FAM222B: variants seen among roughly 807,000 people sequenced by gnomAD.
FAM222B encodes family with sequence similarity 222 member B.
In FAM222B, 12 loss-of-function variants were observed where a neutral mutation model predicts 38.0. The ratio of observed to expected loss-of-function variants is 0.32; its 90% CI spans 0.20 to 0.51. FAM222B has a LOEUF of 0.51. Among genes scored for constraint, FAM222B ranks in the 20% least tolerant of loss-of-function variants. FAM222B has a pLI of 0.97. For synonymous variants in FAM222B, 329 were observed against 317.2 expected, an observed-to-expected ratio of 1.04 and a Z score of -0.40; for missense variants, 716 against 754.2, an observed-to-expected ratio of 0.95 and a Z score of 0.59.
chr17:28,797,897 CA>C (rs34116817), intron 1 of FAM222B, among the ~76,000 whole-genome samples: 2 of 148,266 alleles, frequency 1.3e-5, no homozygotes. Context: ...CCCATCTCTA[CA>C]AAAAAAAAAT....
chr17:28,801,579 C>T (rs1282207108), intron 1 of FAM222B, among the ~76,000 whole-genome samples: 1 of 152,042 alleles, frequency 6.6e-6, no homozygotes, highest in Non-Finnish European at 1.5e-5. Context: ...CATGGTGGCT[C>T]ACGCCTGTAA....
At chr17:28,828,095 A>ATTTTTTTT (rs528492764) in intron 1 of FAM222B, among the ~76,000 whole-genome samples, 3 of 74,692 alleles carry the variant, frequency 4.0e-5, no homozygotes, top group Admixed American at 1.7e-4. Context: ...ATCAAATCCA[A>ATTTTTTTT]TTTTTTTTTT....
rs1177642791 is a variant in FAM222B at position 28,758,767 on chromosome 17, A to G, written c.1192T>C (p.Leu398=). Residue 398 remains leucine (L), a synonymous_variant, in exon 3 of 3, where the codon TTG becomes CTG. Transcript: ENST00000581407. ...LTGKHAAGRE[L]AGPGFVGKAP... is the part of the protein sequence containing the mutation. ...TTGCCCACAAAGCCAGGCCCTGCCA[A>G]CTCGCGTCCTGCCGCATGCTTGCCT... is the stretch of plus-strand genomic sequence containing the variant. The G allele has an allele frequency of 6.4e-7, 1 of 1,572,304 alleles. No homozygotes were observed. Among genetic ancestry groups the G allele is most frequent in the South Asian group, 1.1e-5 (1 of 86,996 alleles).
chr17:28,778,632 T>TA lies in FAM222B; in HGVS notation c.-40-11926dup, dbSNP rs1247184776. On this transcript the variant is annotated intron_variant, in intron 1 of 2. Transcript: ENST00000581407. The stretch of plus-strand genomic sequence containing the variant: ...AATCCTTGCACCTCAGCTTCCTGAG[T>TA]AGCTGGGACTACAGGCGCATGTCAT... Among the ~76,000 whole-genome samples, 75 of 141,956 alleles carry TA rather than the reference T, an allele frequency of 5.3e-4. 2 individuals carry two copies. The highest frequency in any genetic ancestry group is 1.7e-3 in the African/African-American group (66 of 38,416). 93.1% of individuals were successfully genotyped at this position (141,956 alleles called of 152,430 possible).
upstream of FAM222B, among the ~76,000 whole-genome samples, chr17:28,846,076 G>A (rs558896388): frequency 6.6e-6 from 1 of 151,794 alleles, no homozygotes; most frequent in East Asian, 1.9e-4. Flanking sequence ...GGTGGCGGGC[G>A]CCTGTAGTCC....
intron 1 of FAM222B, among the ~76,000 whole-genome samples, chr17:28,801,264 T>C (rs1339511165): frequency 2.0e-5 from 3 of 148,426 alleles, no homozygotes; most frequent in Non-Finnish European, 4.5e-5. Context: ...CCATCCTGGC[T>C]AACACAGTGA....
In FAM222B at chr17:28,803,990, A is replaced by AT. The variant is rs1055637453; in HGVS notation, c.-40-37284_-40-37283insA. 5.9e-5 allele frequency among the ~76,000 whole-genome samples: 9 copies of AT among 152,098 alleles called. No homozygotes were observed. In the South Asian group the frequency reaches 1.0e-3, roughly 18 times the overall value. On this transcript the variant is annotated intron_variant, in intron 1 of 2. Coordinates refer to ENST00000581407, the MANE Select transcript of FAM222B (RefSeq NM_001077498.3). ...AGCAAGACCACGTCTCAAAAAAAAA[A>AT]CCAAAAAGCAAAAAACAAACAAAAA...
intron 1 of FAM222B, among the ~76,000 whole-genome samples, chr17:28,799,635 G>A (rs2037124900): frequency 6.6e-6 from 1 of 151,956 alleles, no homozygotes; most frequent in Admixed American, 6.6e-5. Context: ...AAGAGACAGG[G>A]CTCACTCTGT....
At chr17:28,841,920 A>G (rs2039050862) in intron 1 of FAM222B, among the ~76,000 whole-genome samples, 1 of 152,188 alleles carries the variant, frequency 6.6e-6, no homozygotes, top group Non-Finnish European at 1.5e-5. Context: ...ATATGTGTCT[A>G]CTGAGGTTTT....
At chr17:28,841,857 A>AT (rs1277483450) in intron 1 of FAM222B, among the ~76,000 whole-genome samples, 2 of 152,212 alleles carry the variant, frequency 1.3e-5, no homozygotes, top group African/African-American at 4.8e-5. Context: ...AATTTATCAC[A>AT]TTACAGAACT....
In FAM222B at chr17:28,759,954, T is replaced by A; in HGVS notation, c.83-78A>T. The A allele has an allele frequency of 7.4e-7, 1 of 1,357,852 alleles. No individual in the cohort carries two copies. The highest frequency in any genetic ancestry group is 9.8e-7 in the Non-Finnish European group (1 of 1,018,748). 84.1% of individuals were successfully genotyped at this position (1,357,852 alleles called of 1,614,324 possible). A position where few individuals can be genotyped will look rare whatever the true frequency, so the allele number is the denominator to read the frequency against. ...GCCAAGGCAAACAGCCCTTCCAGAT[T>A]CCCCTTTTGAGGGCCTGGGGTGGGG... On this transcript the variant is annotated intron_variant, in intron 2 of 2. Coordinates refer to ENST00000581407, the MANE Select transcript of FAM222B (RefSeq NM_001077498.3). The surrounding 1 kb of genome is among the most constrained non-coding windows in gnomAD (Gnocchi z 4.8).
chr17:28,766,052 G>GAT (rs10626388), intron 2 of FAM222B, among the ~76,000 whole-genome samples: 28,636 of 150,592 alleles, frequency 0.19, 2,760 homozygotes, highest in South Asian at 0.29. Flanking sequence ...TTTTAAGGGT[G>GAT]ATATATATAT....
At chr17:28,839,146 G>A (rs1418247188) in intron 1 of FAM222B, among the ~76,000 whole-genome samples, 1 of 151,882 alleles carries the variant, frequency 6.6e-6, no homozygotes, top group African/African-American at 2.4e-5. Context: ...GGCGGAGCTT[G>A]CAGTGAGCCG....
At chr17:28,839,998 T>C (rs1258324226) in intron 1 of FAM222B, among the ~76,000 whole-genome samples, 1 of 151,926 alleles carries the variant, frequency 6.6e-6, no homozygotes, top group Admixed American at 6.6e-5. Flanking sequence ...CAAAACGCCT[T>C]GACAGTTTAA....
chr17:28,824,275 C>A (rs898932392), intron 1 of FAM222B, among the ~76,000 whole-genome samples: 1 of 151,930 alleles, frequency 6.6e-6, no homozygotes, highest in Non-Finnish European at 1.5e-5. Flanking sequence ...ACCTCCACCC[C>A]CTGGGCTCAA....
At chr17:28,782,991 A>G (rs1241655134) in intron 1 of FAM222B, among the ~76,000 whole-genome samples, 1 of 151,462 alleles carries the variant, frequency 6.6e-6, no homozygotes, top group Non-Finnish European at 1.5e-5. Context: ...ACAAAAAATT[A>G]GCCGGGTGAG....
intron 1 of FAM222B, among the ~76,000 whole-genome samples, chr17:28,783,422 A>G (rs2036246498): frequency 6.6e-6 from 1 of 152,296 alleles, no homozygotes; most frequent in East Asian, 1.9e-4. Context: ...CACACTGACT[A>G]AATTTGAATC....
At chr17:28,790,266 A>G (rs2036602832) in intron 1 of FAM222B, 1 of 152,206 alleles carries the variant, frequency 6.6e-6, no homozygotes, top group African/African-American at 2.4e-5. Flanking sequence ...TCTCCTAAAA[A>G]TACTAATTAC....
At chr17:28,819,404 TTA>T (rs1445500038) in intron 1 of FAM222B, among the ~76,000 whole-genome samples, 1 of 152,082 alleles carries the variant, frequency 6.6e-6, no homozygotes, top group Non-Finnish European at 1.5e-5. Context: ...AAGTCAAAAA[TTA>T]TATATATATT....
Sources: allele counts gnomAD v4.1 joint callset (sites outside exome capture counted in the v4.1 genomes callset), GRCh38; gene constraint gnomAD v4.1.1; non-coding constraint Gnocchi (gnomAD v3.1); transcripts MANE v1.5; gene names NCBI Gene and HGNC (gene_info 2026-07-23, HGNC 2026-07-21).